NRXN3: variants seen among roughly 807,000 people sequenced by gnomAD.
The protein encoded by NRXN3 is neurexin 3, also known as neurexin III.
NRXN3 carries 32 observed loss-of-function variants against 137.6 expected under a neutral mutation model. The ratio of observed to expected loss-of-function variants is 0.23; its 90% CI spans 0.18 to 0.31. NRXN3 has a LOEUF of 0.31. Among genes scored for constraint, NRXN3 ranks in the 10% least tolerant of loss-of-function variants. The probability of loss-of-function intolerance (pLI) is 1.00; values close to 1 mark genes in which losing one functional copy is unlikely to be tolerated. For synonymous variants in NRXN3, 798 were observed against 784.5 expected (o/e 1.02, Z -0.29); for missense variants, 1,574 against 2,062.5 (o/e 0.76, Z 4.59).
At chr14:78,203,803 G>GGTGTGTGTGTGTGTGTGTGT (rs3059003) in intron 1 of NRXN3, among the ~76,000 whole-genome samples, 1 of 133,950 alleles carries the variant, frequency 7.5e-6, no homozygotes, top group African/African-American at 2.8e-5. Flanking sequence ...GATCCTTCCA[G>GGTGTGTGTGTGTGTGTGTGT]GTGTGTGTGT....
At chr14:79,538,536 C>T (rs2097237801) in intron 16 of NRXN3, among the ~76,000 whole-genome samples, 1 of 152,070 alleles carries the variant, frequency 6.6e-6, no homozygotes, top group Non-Finnish European at 1.5e-5. Flanking sequence ...CCAGTTTTCC[C>T]AGCACCATTT....
intron 4 of NRXN3, among the ~76,000 whole-genome samples, chr14:78,517,797 A>G (rs940292999): frequency 4.6e-5 from 7 of 152,196 alleles, no homozygotes; most frequent in African/African-American, 1.4e-4. Context: ...TACCTTTGCA[A>G]ATGCAGGTTC....
chr14:78,189,357 A>C (rs1036863380), intron 1 of NRXN3, among the ~76,000 whole-genome samples: 4 of 152,078 alleles, frequency 2.6e-5, no homozygotes, highest in African/African-American at 9.7e-5. Context: ...ATTCTGCTCA[A>C]AACCCTCTGC....
intron 4 of NRXN3, among the ~76,000 whole-genome samples, chr14:78,543,030 G>T (rs2096605879): frequency 6.6e-6 from 1 of 151,972 alleles, no homozygotes; most frequent in Non-Finnish European, 1.5e-5. Flanking sequence ...GTAGAAGTGG[G>T]GATATCTGGC....
At chr14:79,242,864 G>A (rs1250938028) in intron 15 of NRXN3, among the ~76,000 whole-genome samples, 1 of 152,150 alleles carries the variant, frequency 6.6e-6, no homozygotes, top group South Asian at 2.1e-4. Flanking sequence ...GCATAACAGT[G>A]GAGGCTGTTT....
chr14:79,826,059 G>A (rs570827671), intron 20 of NRXN3, among the ~76,000 whole-genome samples: 20 of 152,024 alleles, frequency 1.3e-4, no homozygotes, highest in South Asian at 2.1e-4. Flanking sequence ...GCAGTGGTGC[G>A]ATCTCGGCTC....
At chr14:78,365,280 C>T (rs2085752888) in intron 4 of NRXN3, among the ~76,000 whole-genome samples, 1 of 151,766 alleles carries the variant, frequency 6.6e-6, no homozygotes, top group South Asian at 2.1e-4. Flanking sequence ...TTGGGGAAGA[C>T]CAATTGCTTT....
chr14:78,360,071 C>T (rs1336706749), intron 4 of NRXN3, among the ~76,000 whole-genome samples: 1 of 152,130 alleles, frequency 6.6e-6, no homozygotes, highest in Non-Finnish European at 1.5e-5. Flanking sequence ...CATAACCATT[C>T]CTTAACTCTT....
chr14:78,990,907 C>A (rs1160455717), intron 15 of NRXN3, among the ~76,000 whole-genome samples: 1 of 152,138 alleles, frequency 6.6e-6, no homozygotes, highest in African/African-American at 2.4e-5. Context: ...ATATCATAGA[C>A]CATTATTTTC....
chr14:78,271,930 G>C (rs978849435), intron 2 of NRXN3, among the ~76,000 whole-genome samples: 1 of 152,092 alleles, frequency 6.6e-6, no homozygotes, highest in East Asian at 1.9e-4. Flanking sequence ...GCCCTAGAAC[G>C]AAGGAAACAA....
intron 3 of NRXN3, among the ~76,000 whole-genome samples, chr14:78,292,192 C>T (rs1014027035): frequency 6.6e-5 from 10 of 152,188 alleles, no homozygotes; most frequent in African/African-American, 2.2e-4. Context: ...TGGCCACAGC[C>T]GCTTACAAAT....
At chr14:78,261,266 C>T (rs2070679605) in intron 2 of NRXN3, among the ~76,000 whole-genome samples, 1 of 152,208 alleles carries the variant, frequency 6.6e-6, no homozygotes, top group Admixed American at 6.5e-5. Flanking sequence ...ATTCATTGAC[C>T]TGTCTTTTGA....
intron 1 of NRXN3, among the ~76,000 whole-genome samples, chr14:78,177,074 AAGGGTACTTTCAGGTCCAGCAG>A (rs1313713510): frequency 1.3e-5 from 2 of 152,160 alleles, no homozygotes; most frequent in South Asian, 2.1e-4. Flanking sequence ...CCTGCCCGTC[AAGGGTACTTTCAGGTCCAGCAG>A]AGGCTCCATT....
intron 4 of NRXN3, among the ~76,000 whole-genome samples, chr14:78,585,139 A>G (rs1468863177): frequency 2.1e-4 from 25 of 117,444 alleles, no homozygotes; most frequent in East Asian, 1.1e-3. Context: ...AGGGGAGATA[A>G]GGGGGGGGGG....
intron 1 of NRXN3, among the ~76,000 whole-genome samples, chr14:78,185,351 A>G (rs992325058): frequency 2.6e-5 from 4 of 152,186 alleles, no homozygotes; most frequent in African/African-American, 9.7e-5. Flanking sequence ...TGTGGAGAGA[A>G]GGACTAAGGA....
intron 4 of NRXN3, among the ~76,000 whole-genome samples, chr14:78,372,416 C>T (rs906984888): frequency 3.3e-5 from 5 of 151,914 alleles, no homozygotes; most frequent in African/African-American, 1.2e-4. Flanking sequence ...CCTCTGCCTC[C>T]TGGGTTCAAG....
intron 15 of NRXN3, among the ~76,000 whole-genome samples, chr14:79,348,233 G>A (rs1226445971): frequency 6.6e-6 from 1 of 151,984 alleles, no homozygotes; most frequent in African/African-American, 2.4e-5. Context: ...GATGTAAGTA[G>A]GCCTTTTCTC....
intron 4 of NRXN3, among the ~76,000 whole-genome samples, chr14:78,560,576 C>T (rs1363645901): frequency 6.6e-6 from 1 of 152,218 alleles, no homozygotes; most frequent in Non-Finnish European, 1.5e-5. Flanking sequence ...TAGCTGCAGG[C>T]CTCTGGGGCA....
chr14:78,175,510 G>T (rs1481885365), intron 1 of NRXN3, among the ~76,000 whole-genome samples: 1 of 152,166 alleles, frequency 6.6e-6, no homozygotes, highest in Non-Finnish European at 1.5e-5. Flanking sequence ...TGTGGTCTGG[G>T]ACCTGCTGTG....
Sources: gnomAD v4.1 joint callset for allele counts (sites outside exome capture counted in the v4.1 genomes callset) on GRCh38, gnomAD v4.1.1 for gene constraint, MANE v1.5 for transcripts, NCBI Gene and HGNC (gene_info 2026-07-23, HGNC 2026-07-21) for gene names.